Variants in PTCRA observed in about 807,000 individuals in gnomAD.
PTCRA encodes the protein pre T cell antigen receptor alpha.
PTCRA carries 9 observed loss-of-function variants against 13.4 expected under a neutral mutation model. That is an observed-to-expected ratio of 0.67 (90% CI 0.41 to 1.18). The LOEUF is 1.18. Ranked by LOEUF, PTCRA falls within the 50% of genes most tolerant of loss-of-function variation. The pLI, the probability that PTCRA is intolerant of heterozygous loss-of-function variation, is 0.01. For synonymous variants in PTCRA, 153 were observed against 161.9 expected, an observed-to-expected ratio of 0.94 and a Z score of 0.42; for missense variants, 353 against 359.8, an observed-to-expected ratio of 0.98 and a Z score of 0.15.
intron 1 of PTCRA, among the ~76,000 whole-genome samples, chr6:42,917,448 T>C (rs1766927763): frequency 6.8e-6 from 1 of 147,914 alleles, no homozygotes; most frequent in Non-Finnish European, 1.5e-5. Context: ...GGTCTTGAAC[T>C]CCTGACCTCA....
Position 42,916,112 on chromosome 6 carries a change from C to G in PTCRA, c.43C>G (p.Pro15Ala). Residue 15 changes from proline to alanine, a missense_variant, in exon 1 of 4, where the codon CCA becomes GCA. Coordinates refer to ENST00000304672, the MANE Select transcript of PTCRA (RefSeq NM_138296.3). ...GCTACTTCTCCTGGCCCTTGGGTGTCCAGCCCTACCCACAGGTGAGCCCCC... is the reference window on the plus strand; with the variant it reads ...GCTACTTCTCCTGGCCCTTGGGTGTGCAGCCCTACCCACAGGTGAGCCCCC... ...WLLLLLALGC[P>A]ALPTGVGGTP... 1 of 1,614,002 alleles carries G rather than the reference C, an allele frequency of 6.2e-7. No individual in the cohort carries two copies. The highest frequency in any genetic ancestry group is 8.5e-7 in the Non-Finnish European group (1 of 1,179,920).
At chr6:42,917,476 C>G (rs1296352110) in intron 1 of PTCRA, among the ~76,000 whole-genome samples, 2 of 147,294 alleles carry the variant, frequency 1.4e-5, no homozygotes, top group Non-Finnish European at 3.0e-5. Flanking sequence ...CCCGCCTCAG[C>G]CTCCCAAAGT....
Position 42,925,215 on chromosome 6 carries a change from G to C in PTCRA, c.425-46G>C. ...CTCTCCGCCGTTCTCTCCTGGGGTA[G>C]GGGGCTGCGGGCTCCTGCGGGCTCC... is the stretch of plus-strand genomic sequence containing the variant. On this transcript the variant is annotated intron_variant, in intron 3 of 3. Transcript: ENST00000304672. This position sits in a 1 kb window ranked among gnomAD's most constrained non-coding sequence, Gnocchi z 4.4. 3 of 1,545,394 alleles carry C rather than the reference G, an allele frequency of 1.9e-6. No homozygotes were observed. Among genetic ancestry groups the C allele is most frequent in the Non-Finnish European group, 2.6e-6 (3 of 1,151,968 alleles).
At chr6:42,918,234 C>T (rs557308757) in intron 1 of PTCRA, among the ~76,000 whole-genome samples, 320 of 148,272 alleles carry the variant, frequency 2.2e-3, no homozygotes, top group African/African-American at 7.3e-3. Context: ...CCAGGCTAGG[C>T]GACAGAACCA....
At chr6:42,918,344 A>T (rs1766974007) in intron 1 of PTCRA, among the ~76,000 whole-genome samples, 1 of 151,770 alleles carries the variant, frequency 6.6e-6, no homozygotes. Context: ...TCACGAGGTC[A>T]GGAGTTCAAG....
At chr6:42,921,893 A>C (rs1218253237) in intron 1 of PTCRA, among the ~76,000 whole-genome samples, 3 of 151,748 alleles carry the variant, frequency 2.0e-5, no homozygotes, top group Admixed American at 1.3e-4. Context: ...AATAAAAATG[A>C]ACTGGCTTGG....
chr6:42,918,658 G>A (rs1766987766), intron 1 of PTCRA, among the ~76,000 whole-genome samples: 1 of 152,116 alleles, frequency 6.6e-6, no homozygotes, highest in South Asian at 2.1e-4. Flanking sequence ...TGTCCTAGAC[G>A]GTCCACTGTG....
At chr6:42,917,875 T>C (rs949333891) in intron 1 of PTCRA, among the ~76,000 whole-genome samples, 6 of 151,772 alleles carry the variant, frequency 4.0e-5, no homozygotes, top group African/African-American at 1.2e-4. Context: ...GATGAGACCA[T>C]TGGGACTCAC....
chr6:42,925,511 G>A lies in PTCRA; in HGVS notation c.675G>A (p.Pro225=), dbSNP rs779882018. 20 of 1,572,884 alleles carry A rather than the reference G, an allele frequency of 1.3e-5. No individual in the cohort carries two copies. The highest frequency in any genetic ancestry group is 2.3e-5 in the East Asian group (1 of 42,906). Residue 225 remains proline (P), a synonymous_variant, in exon 4 of 4, where the codon CCG becomes CCA. Transcript: ENST00000304672. This position sits in a 1 kb window ranked among gnomAD's most constrained non-coding sequence, Gnocchi z 4.4. ...ACCGCCGCTGGGGTGACACCCCTCC[G>A]GGTCGGAAGCCCGGGAGCCCAGTAT... ...PRDRRWGDTP[P]GRKPGSPVWG...
Position 42,923,044 on chromosome 6 carries a change from T to C in PTCRA, c.76T>C (p.Phe26Leu). 6.2e-7 allele frequency: 1 copy of C among 1,614,198 alleles called. No homozygotes were observed. Among genetic ancestry groups the C allele is most frequent in the Non-Finnish European group, 8.5e-7 (1 of 1,180,022 alleles). The change falls in exon 2 of 4, where the codon TTT (phenylalanine) becomes CTT (leucine). Residue 26 changes from phenylalanine (F) to leucine (L), a missense_variant. Phe to Leu is a conservative substitution (Grantham distance 22). Coordinates refer to ENST00000304672, the MANE Select transcript of PTCRA (RefSeq NM_138296.3). ...TCTTGCAGGTGTGGGCGGCACACCC[T>C]TTCCTTCTCTGGCCCCACCAATCAT... ...ALPTGVGGTPFPSLAPPIMLL... is the reference protein window; with the variant it reads ...ALPTGVGGTPLPSLAPPIMLL...
chr6:42,920,847 G>C (rs1215283892), intron 1 of PTCRA, among the ~76,000 whole-genome samples: 2 of 150,294 alleles, frequency 1.3e-5, no homozygotes, highest in African/African-American at 4.9e-5. Flanking sequence ...ACCCAGGCTG[G>C]AGTGCAGTGA....
At chr6:42,920,942 G>A (rs558526231) in intron 1 of PTCRA, among the ~76,000 whole-genome samples, 6 of 151,370 alleles carry the variant, frequency 4.0e-5, no homozygotes, top group East Asian at 2.0e-4. Context: ...CTACAGGCAC[G>A]TGCCACCACA....
chr6:42,921,973 C>T (rs540952835), intron 1 of PTCRA, among the ~76,000 whole-genome samples: 19 of 151,688 alleles, frequency 1.3e-4, no homozygotes, highest in African/African-American at 2.7e-4. Context: ...TGCAGTGAGC[C>T]GACATGGTGC....
At chr6:42,917,531 A>T (rs1391641109) in intron 1 of PTCRA, among the ~76,000 whole-genome samples, 1 of 114,054 alleles carries the variant, frequency 8.8e-6, no homozygotes, top group African/African-American at 6.0e-5. Flanking sequence ...CCGTTATATT[A>T]TTATTATTAT....
At chr6:42,916,792 CA>C (rs576979776) in intron 1 of PTCRA, among the ~76,000 whole-genome samples, 5 of 152,250 alleles carry the variant, frequency 3.3e-5, no homozygotes, top group South Asian at 2.1e-4. Flanking sequence ...ACTTTTGAGT[CA>C]GGGGGGTCTC....
rs1353108970 is a variant in PTCRA, at chr6:42,925,136, G to T, written c.425-125G>T. 13 of 1,295,670 alleles carry T rather than the reference G, an allele frequency of 1.0e-5. No homozygotes were observed. Among genetic ancestry groups the T allele is most frequent in the Non-Finnish European group, 1.3e-5 (13 of 963,950 alleles). The allele number at this position is 1,295,670 out of a possible 1,614,324, so 80.3% of individuals were successfully genotyped here. ...AGAACGGAGGCTAGACACCGGGAAG[G>T]ACTTTCCCTGGAGGAGGGGGTGAAG... On this transcript the variant is annotated intron_variant, in intron 3 of 3. Transcript: ENST00000304672. This position sits in a 1 kb window ranked among gnomAD's most constrained non-coding sequence, Gnocchi z 4.4.
intron 1 of PTCRA, among the ~76,000 whole-genome samples, chr6:42,921,705 C>G (rs979338899): frequency 7.0e-6 from 1 of 143,750 alleles, no homozygotes; most frequent in Non-Finnish European, 1.5e-5. Context: ...CATGAGCCAC[C>G]GTGCCCGGCC....
chr6:42,925,771 C>A lies in PTCRA; in HGVS notation c.*89C>A. ...GGCCCCTTGAGAATGGTGATCCACCCAGTTACAGGGGCATTTAGGGAGCAG... is the reference window on the plus strand; with the variant it reads ...GGCCCCTTGAGAATGGTGATCCACCAAGTTACAGGGGCATTTAGGGAGCAG... On this transcript the variant is annotated 3_prime_UTR_variant, in exon 4 of 4. Coordinates refer to ENST00000304672, the MANE Select transcript of PTCRA (RefSeq NM_138296.3). This position sits in a 1 kb window ranked among gnomAD's most constrained non-coding sequence, Gnocchi z 4.4. 1 of 810,326 alleles carries A rather than the reference C, an allele frequency of 1.2e-6. No individual in the cohort carries two copies. Among genetic ancestry groups the A allele is most frequent in the Non-Finnish European group, 1.9e-6 (1 of 533,006 alleles). The allele number at this position is 810,326 out of a possible 1,614,324, so 50.2% of individuals were successfully genotyped here.
At chr6:42,920,291 G>C (rs1223586460) in intron 1 of PTCRA, among the ~76,000 whole-genome samples, 4 of 151,168 alleles carry the variant, frequency 2.6e-5, no homozygotes, top group African/African-American at 9.7e-5. Flanking sequence ...CTGCACTTGA[G>C]CCTGGGCGAC....
Sources: gnomAD v4.1 joint callset for allele counts (sites outside exome capture counted in the v4.1 genomes callset) on GRCh38, gnomAD v4.1.1 for gene constraint, Gnocchi (gnomAD v3.1) non-coding constraint, MANE v1.5 for transcripts, NCBI Gene and HGNC (gene_info 2026-07-23, HGNC 2026-07-21) for gene names.